The following KIRREL1 variants were observed in gnomAD, a reference collection of about 807,000 sequenced individuals.
KIRREL1 encodes kin of IRRE-like protein 1.
A neutral mutation model predicts 83.3 loss-of-function variants in KIRREL1; 25 were observed. The ratio of observed to expected loss-of-function variants is 0.30; its 90% CI spans 0.22 to 0.42. The LOEUF (loss-of-function observed/expected upper bound fraction) is 0.42. KIRREL1 is among the 10% of genes least tolerant of loss of function. KIRREL1 has a pLI of 1.00. For missense variants in KIRREL1, 812 were observed against 1,032.3 expected, an observed-to-expected ratio of 0.79 and a Z score of 2.92; for synonymous variants, 388 against 410.4, an observed-to-expected ratio of 0.95 and a Z score of 0.66.
chr1:158,022,633 G>C (rs1284054178), intron 1 of KIRREL1, among the ~76,000 whole-genome samples: 3 of 152,218 alleles, frequency 2.0e-5, no homozygotes, highest in African/African-American at 7.2e-5. Flanking sequence ...ATGGTTAAAA[G>C]TTAGGACTTG....
intron 1 of KIRREL1, among the ~76,000 whole-genome samples, chr1:158,024,259 G>A (rs1271662152): frequency 8.0e-6 from 1 of 125,484 alleles, no homozygotes; most frequent in Non-Finnish European, 1.6e-5. Context: ...TGGTTTTGTT[G>A]TTGTTGTTGT....
rs1461999818 is a variant in KIRREL1, at chr1:158,084,512, C to A, written c.443C>A (p.Ala148Glu). 2 of 1,551,652 alleles carry A rather than the reference C, an allele frequency of 1.3e-6. No individual in the cohort carries two copies. ...PHNLTCRAFN[A>E]KPAATIIWFR... Reference sequence around the variant, plus strand: ...AACCTCACATGCCGGGCCTTCAATGCGAAGCCTGCTGCCACCATCATCTGG... The same window carrying A: ...AACCTCACATGCCGGGCCTTCAATGAGAAGCCTGCTGCCACCATCATCTGG... The change falls in exon 4 of 15, where the codon GCG (alanine) becomes GAG (glutamate). Residue 148 changes from alanine (A) to glutamate (E), a missense_variant. Transcript: ENST00000359209.
At position 158,076,274 on chromosome 1, in the gene KIRREL1, G is replaced by C. The variant is rs777557454; in HGVS notation, c.202+12G>C. 6.2e-7 allele frequency: 1 copy of C among 1,612,950 alleles called. No homozygotes were observed. The stretch of plus-strand genomic sequence containing the variant: ...CCAGGGCCTCAAAGGTGAGTGCCTG[G>C]CTACCCAACGTCCAAACTGTCCCAT... On this transcript the variant is annotated intron_variant, in intron 2 of 14. Transcript: ENST00000359209.
chr1:158,036,297 T>C (rs1660474289), intron 1 of KIRREL1, among the ~76,000 whole-genome samples: 1 of 152,204 alleles, frequency 6.6e-6, no homozygotes, highest in Non-Finnish European at 1.5e-5. Flanking sequence ...AGATAAATAC[T>C]GCAACGAACT....
rs376226812 is a variant in KIRREL1, at chr1:158,087,565, C to T, written c.662-190C>T. Among the ~76,000 whole-genome samples the T allele has an allele frequency of 3.3e-5, 5 of 151,920 alleles. No individual in the cohort carries two copies. In the East Asian group the frequency reaches 7.7e-4, roughly 23 times the overall value. On this transcript the variant is annotated intron_variant, in intron 5 of 14. Coordinates refer to ENST00000359209, the MANE Select transcript of KIRREL1 (RefSeq NM_018240.7). ...CTTTGGTGCCTTCATTGGTGGTCAC[C>T]CTAGCAGGCCCCCTAGAGGCTCCAT...
chr1:158,062,292 A>G (rs903475684), intron 1 of KIRREL1, among the ~76,000 whole-genome samples: 4 of 152,164 alleles, frequency 2.6e-5, no homozygotes, highest in Non-Finnish European at 2.9e-5. Flanking sequence ...TCCCTCCTCT[A>G]TGCAAGCCTC....
chr1:158,098,566 A>C lies in KIRREL1; in HGVS notation c.*3446A>C, dbSNP rs1337872828. The C allele has an allele frequency of 6.6e-6, 1 of 152,180 alleles. No homozygotes were observed. The highest frequency in any genetic ancestry group is 1.5e-5 in the Non-Finnish European group (1 of 68,034). The allele number at this position is 152,180 out of a possible 1,614,324, so 9.4% of individuals were successfully genotyped here. ...ACAACAGCTTTGGAATACATTCTGG[A>C]TCTTGAGGAGGATCTTGTGATTTTG... On this transcript the variant is annotated 3_prime_UTR_variant, in exon 15 of 15. Transcript: ENST00000359209.
At chr1:158,043,328 T>C (rs960635851) in intron 1 of KIRREL1, among the ~76,000 whole-genome samples, 39 of 152,286 alleles carry the variant, frequency 2.6e-4, no homozygotes, top group African/African-American at 9.1e-4. Context: ...TCCCCCCTTA[T>C]GGAAAGAGTG....
intron 1 of KIRREL1, among the ~76,000 whole-genome samples, chr1:158,022,215 G>A (rs1660020125): frequency 6.6e-6 from 1 of 152,090 alleles, no homozygotes; most frequent in Non-Finnish European, 1.5e-5. Flanking sequence ...GATGCTGAAG[G>A]GCCATTATCA....
At chr1:158,026,870 C>G (rs187403884) in intron 1 of KIRREL1, among the ~76,000 whole-genome samples, 5 of 152,268 alleles carry the variant, frequency 3.3e-5, no homozygotes, top group Admixed American at 1.3e-4. Flanking sequence ...TCTGCACCCC[C>G]CCACCCCCTA....
intron 3 of KIRREL1, among the ~76,000 whole-genome samples, chr1:158,079,672 C>T (rs1661787107): frequency 6.6e-6 from 1 of 152,144 alleles, no homozygotes; most frequent in Non-Finnish European, 1.5e-5. Flanking sequence ...CATAACAAGT[C>T]CTCAGAGCAT....
intron 4 of KIRREL1, among the ~76,000 whole-genome samples, chr1:158,085,273 G>T (rs183167018): frequency 3.1e-4 from 47 of 152,348 alleles, no homozygotes; most frequent in Non-Finnish European, 4.6e-4. Context: ...TGTGTATTCA[G>T]CCCTTTGCTG....
In KIRREL1 at chr1:158,089,003, G is replaced by A. The variant is rs555742613; in HGVS notation, c.1045-499G>A. 4.6e-5 allele frequency among the ~76,000 whole-genome samples: 7 copies of A among 152,220 alleles called. No homozygotes were observed. The South Asian group carries it at 1.5e-3, about 32-fold the overall frequency. ...GCACGGGAAGCAGGGTGGGGTGGGA[G>A]GAAGGGAGAGGGCCTGGGGCGGGCC... On this transcript the variant is annotated intron_variant, in intron 8 of 14. Transcript: ENST00000359209.
intron 1 of KIRREL1, among the ~76,000 whole-genome samples, chr1:158,006,541 G>A (rs1194961217): frequency 6.6e-6 from 1 of 152,214 alleles, no homozygotes; most frequent in Admixed American, 6.5e-5. Flanking sequence ...AGCCCAAGAA[G>A]TTTATCTTGT....
At chr1:158,029,366 T>TGTGTGTGTGCGCGCGCGC (rs1553238087) in intron 1 of KIRREL1, among the ~76,000 whole-genome samples, 4 of 148,930 alleles carry the variant, frequency 2.7e-5, no homozygotes, top group African/African-American at 1.0e-4. Context: ...TGTGTGTGTG[T>TGTGTGTGTGCGCGCGCGC]GCACGTGCGC....
At chr1:158,073,604 G>A (rs764651351) in intron 1 of KIRREL1, among the ~76,000 whole-genome samples, 4 of 152,200 alleles carry the variant, frequency 2.6e-5, no homozygotes, top group Non-Finnish European at 5.9e-5. Flanking sequence ...ATAAACCACA[G>A]TCTGTCTCCT....
At position 158,094,753 on chromosome 1, in the gene KIRREL1, G is replaced by A. The variant is rs755272666; in HGVS notation, c.1907G>A (p.Arg636His). 18 of 1,613,524 alleles carry A rather than the reference G, an allele frequency of 1.1e-5. No homozygotes were observed. Among genetic ancestry groups the A allele is most frequent in the African/African-American group, 5.3e-5 (4 of 74,838 alleles). ...RAPGPARFDG[R>H]PSSRLSHSSG... ...CCTGGCCCTGCCCGCTTCGACGGCCGCCCCTCATCCCGTCTCTCCCACTCC... is the reference window on the plus strand; with the variant it reads ...CCTGGCCCTGCCCGCTTCGACGGCCACCCCTCATCCCGTCTCTCCCACTCC... The change falls in exon 15 of 15, where the codon CGC becomes CAC. Residue 636 changes from arginine to histidine, a missense_variant. Coordinates refer to ENST00000359209, the MANE Select transcript of KIRREL1 (RefSeq NM_018240.7). This position sits in a 1 kb window ranked among gnomAD's most constrained non-coding sequence, Gnocchi z 4.6.
chr1:158,073,517 G>A (rs1368666629), intron 1 of KIRREL1, among the ~76,000 whole-genome samples: 1 of 152,178 alleles, frequency 6.6e-6, no homozygotes, highest in African/African-American at 2.4e-5. Flanking sequence ...ACATTCCCCA[G>A]TTTACCAGGC....
chr1:158,059,156 G>A (rs1661144945), intron 1 of KIRREL1, among the ~76,000 whole-genome samples: 1 of 152,188 alleles, frequency 6.6e-6, no homozygotes, highest in Non-Finnish European at 1.5e-5. Context: ...CGCTGTGGGT[G>A]GGAAGATGTT....
Sources: allele counts gnomAD v4.1 joint callset (sites outside exome capture counted in the v4.1 genomes callset), GRCh38; gene constraint gnomAD v4.1.1; non-coding constraint Gnocchi (gnomAD v3.1); transcripts MANE v1.5; gene names NCBI Gene and HGNC (gene_info 2026-07-23, HGNC 2026-07-21).